Variants in REV1 observed in about 807,000 individuals in gnomAD.
REV1 encodes the protein REV1 DNA directed polymerase.
In REV1, 42 loss-of-function variants were observed where a neutral mutation model predicts 137.4. The observed-to-expected ratio is 0.31, with a 90% CI of 0.24 to 0.40. REV1 has a LOEUF of 0.40. REV1 is among the 10% of genes least tolerant of loss of function. REV1 has a pLI of 1.00. For synonymous variants in REV1, 524 were observed against 519.2 expected (o/e 1.01, Z -0.12); for missense variants, 1,282 against 1,490.1 (o/e 0.86, Z 2.30).
At chr2:99,482,229 T>C (rs1481345099) in intron 1 of REV1, among the ~76,000 whole-genome samples, 1 of 152,228 alleles carries the variant, frequency 6.6e-6, no homozygotes, top group Non-Finnish European at 1.5e-5. Context: ...CTGGCAATCA[T>C]TCACTGCTGT....
intron 3 of REV1, among the ~76,000 whole-genome samples, chr2:99,460,640 G>A (rs948031104): frequency 6.6e-6 from 1 of 151,530 alleles, no homozygotes; most frequent in African/African-American, 2.4e-5. Context: ...AAGTGGTAAA[G>A]TATTCACTAA....
chr2:99,410,976 C>T lies in REV1; in HGVS notation c.2173-109G>A, dbSNP rs1574997096. On this transcript the variant is annotated intron_variant, in intron 13 of 22. Coordinates refer to ENST00000258428, the MANE Select transcript of REV1 (RefSeq NM_016316.4). ...ATTAAACATGTTGGTTACTCACTAT[C>T]ACGCTCAGCATCTATTAAAAAGAAA... 3 of 1,029,808 alleles carry T rather than the reference C, an allele frequency of 2.9e-6. No homozygotes were observed. In the Admixed American group the frequency reaches 8.4e-5, roughly 29 times the overall value. 63.8% of individuals were successfully genotyped at this position (1,029,808 alleles called of 1,614,324 possible).
At chr2:99,459,921 C>T (rs1270394006) in intron 3 of REV1, among the ~76,000 whole-genome samples, 2 of 152,004 alleles carry the variant, frequency 1.3e-5, no homozygotes, top group Non-Finnish European at 2.9e-5. Flanking sequence ...GAACTGGGAG[C>T]TTTAAAGGAA....
Position 99,438,735 on chromosome 2 carries a change from T to G in REV1, c.1079A>C (p.His360Pro), listed in dbSNP as rs1188662124. ...SNFYSHSRLH[H>P]ISMWKCELTE... ...CAATTCACACTTCCACATTGATATG[T>G]GATGCAGTCTTGAATGAGAATAGAA... Residue 360 changes from histidine (H) to proline (P), a missense_variant, in exon 6 of 23, where the codon CAC becomes CCC. Around this residue, in one of 7 missense-constraint regions of REV1, gnomAD observed 432 missense variants for 438.0 expected, o/e 0.99. Coordinates refer to ENST00000258428, the MANE Select transcript of REV1 (RefSeq NM_016316.4). 1 of 1,614,120 alleles carries G rather than the reference T, an allele frequency of 6.2e-7. No individual in the cohort carries two copies. The highest frequency in any genetic ancestry group is 1.7e-5 in the Admixed American group (1 of 60,024).
At chr2:99,450,999 C>G (rs944426126) in intron 3 of REV1, among the ~76,000 whole-genome samples, 3 of 152,242 alleles carry the variant, frequency 2.0e-5, no homozygotes, top group Admixed American at 2.0e-4. Flanking sequence ...AAGTTAAAAA[C>G]TGAACTACAG....
intron 9 of REV1, among the ~76,000 whole-genome samples, chr2:99,427,623 T>TA (rs1679557002): frequency 6.6e-6 from 1 of 152,136 alleles, no homozygotes; most frequent in South Asian, 2.1e-4. Context: ...TGCAAATTGT[T>TA]AAAAAAATTT....
chr2:99,463,778 T>C (rs1160856601), intron 2 of REV1, among the ~76,000 whole-genome samples: 1 of 152,098 alleles, frequency 6.6e-6, no homozygotes, highest in Non-Finnish European at 1.5e-5. Context: ...TGCTCACCAC[T>C]ATGCCCAGCT....
At chr2:99,409,172 G>A (rs1340935231) in intron 14 of REV1, among the ~76,000 whole-genome samples, 1 of 152,166 alleles carries the variant, frequency 6.6e-6, no homozygotes, top group Admixed American at 6.5e-5. Flanking sequence ...AGATACATGT[G>A]TATCATAACA....
chr2:99,454,073 G>A (rs1048174849), intron 3 of REV1, among the ~76,000 whole-genome samples: 1 of 151,614 alleles, frequency 6.6e-6, no homozygotes, highest in East Asian at 1.9e-4. Flanking sequence ...TGTCACCCAG[G>A]CTAGACTGCA....
At chr2:99,489,759 C>G (rs1451317397) in intron 1 of REV1, 58 bp downstream of exon 1, 1 of 149,872 alleles carries the variant, frequency 6.7e-6, no homozygotes, top group South Asian at 2.1e-4. Flanking sequence ...CGCCTCCGGG[C>G]GACGCGTGTC....
chr2:99,426,347 CAA>C (rs201251300), intron 9 of REV1, among the ~76,000 whole-genome samples: 27 of 110,112 alleles, frequency 2.5e-4, no homozygotes, highest in Non-Finnish European at 1.9e-4. Flanking sequence ...AATTCTATCT[CAA>C]AAAAAAAAAA....
At chr2:99,448,118 G>A (rs547280780) in intron 4 of REV1, among the ~76,000 whole-genome samples, 18 of 152,062 alleles carry the variant, frequency 1.2e-4, no homozygotes, top group African/African-American at 3.6e-4. Context: ...CTGCTTCTCC[G>A]TGAATTTATG....
Position 99,469,897 on chromosome 2 carries a change from A to G in REV1, c.-10-4912T>C, listed in dbSNP as rs1685209427. On this transcript the variant is annotated intron_variant, in intron 1 of 22. Transcript: ENST00000258428. ...AGCACTCTGGGGGGCCGAGGCGGGC[A>G]GATCACGAGGTCAGGAGATCGAGAC... is the stretch of plus-strand genomic sequence containing the variant. Among the ~76,000 whole-genome samples, 6 of 152,232 alleles carry G rather than the reference A, an allele frequency of 3.9e-5. No individual in the cohort carries two copies. The South Asian group carries it at 6.2e-4, about 16-fold the overall frequency.
intron 19 of REV1, chr2:99,403,455 C>A (rs1213601182): frequency 6.8e-6 from 4 of 588,928 alleles, no homozygotes; most frequent in African/African-American, 5.6e-5. Flanking sequence ...GTGGTAATGT[C>A]CTATTCCAAC....
At chr2:99,440,439 T>C (rs1681338493) in intron 5 of REV1, among the ~76,000 whole-genome samples, 1 of 152,172 alleles carries the variant, frequency 6.6e-6, no homozygotes, top group Non-Finnish European at 1.5e-5. Flanking sequence ...TTATTAGTAA[T>C]GAGAGCCTGA....
chr2:99,432,031 G>T, intron 8 of REV1: 1 of 466,686 alleles, frequency 2.1e-6, no homozygotes, highest in Non-Finnish European at 2.8e-6. Context: ...GTTGTCGATG[G>T]GATAGAAAAC....
chr2:99,470,644 A>T (rs1685312089), intron 1 of REV1, among the ~76,000 whole-genome samples: 1 of 152,208 alleles, frequency 6.6e-6, no homozygotes. Flanking sequence ...TACATTCCAC[A>T]AGTTACTTCC....
chr2:99,459,831 T>C (rs557852308), intron 3 of REV1, among the ~76,000 whole-genome samples: 1 of 152,202 alleles, frequency 6.6e-6, no homozygotes, highest in South Asian at 2.1e-4. Context: ...TATTAGAGGG[T>C]CTTCCCTCCA....
chr2:99,411,916 T>C (rs1231606523), intron 13 of REV1, among the ~76,000 whole-genome samples: 3 of 151,846 alleles, frequency 2.0e-5, no homozygotes, highest in South Asian at 2.1e-4. Context: ...CCTTATGATA[T>C]GGTGTTGTTT....
Sources: allele counts gnomAD v4.1 joint callset (sites outside exome capture counted in the v4.1 genomes callset), GRCh38; gene constraint gnomAD v4.1.1; regional missense constraint gnomAD v4.1.1; transcripts MANE v1.5; gene names NCBI Gene and HGNC (gene_info 2026-07-23, HGNC 2026-07-21).